Variants in RUNX2 observed in about 807,000 individuals in gnomAD.
RUNX2 encodes runt-related transcription factor 2.
In RUNX2, 10 loss-of-function variants were observed where a neutral mutation model predicts 51.7. The observed-to-expected ratio is 0.19, with a 90% CI of 0.12 to 0.33. The LOEUF is 0.33. Among genes scored for constraint, RUNX2 ranks in the 10% least tolerant of loss-of-function variants. The pLI is 1.00. For missense variants in RUNX2, 562 were observed against 691.3 expected, an observed-to-expected ratio of 0.81 and a Z score of 2.10; for synonymous variants, 276 against 273.6, an observed-to-expected ratio of 1.01 and a Z score of -0.09.
In RUNX2 at chr6:45,437,416, T is replaced by C. The variant is rs190965999; in HGVS notation, c.581-531T>C. On this transcript the variant is annotated intron_variant, in intron 4 of 8. Transcript: ENST00000647337. ...ACATTACGGCCAGGACAGGAGACACTGGCTCCTGTTAAAATGATTCCCATA... is the reference window on the plus strand; with the variant it reads ...ACATTACGGCCAGGACAGGAGACACCGGCTCCTGTTAAAATGATTCCCATA... 2.1e-3 allele frequency among the ~76,000 whole-genome samples: 324 copies of C among 152,326 alleles called. 1 individual carries two copies. The highest frequency in any genetic ancestry group is 7.8e-3 in the African/African-American group (323 of 41,572).
chr6:45,421,016 T>C (rs1798172113), intron 2 of RUNX2: 1 of 152,174 alleles, frequency 6.6e-6, no homozygotes, highest in Non-Finnish European at 1.5e-5. Context: ...TTTTGGGGGA[T>C]CCAAAGTCGC....
At position 45,549,663 on chromosome 6, in the gene RUNX2, A is replaced by C. The variant is rs1284964898; in HGVS notation, c.*2358A>C. 1 of 310,268 alleles carries C rather than the reference A, an allele frequency of 3.2e-6. No individual in the cohort carries two copies. Among genetic ancestry groups the C allele is most frequent in the Non-Finnish European group, 5.8e-6 (1 of 171,094 alleles). The allele number at this position is 310,268 out of a possible 1,614,324, so 19.2% of individuals were successfully genotyped here. On this transcript the variant is annotated 3_prime_UTR_variant, in exon 9 of 9. Coordinates refer to ENST00000647337, the MANE Select transcript of RUNX2 (RefSeq NM_001024630.4). Reference sequence around the variant, plus strand: ...TGTCTGGTTACACATTTCAATTTTAATTAATTGACATAAAAATGCTACCGC... The same window carrying C: ...TGTCTGGTTACACATTTCAATTTTACTTAATTGACATAAAAATGCTACCGC...
chr6:45,443,244 T>C (rs1798894119), intron 5 of RUNX2, among the ~76,000 whole-genome samples: 1 of 151,810 alleles, frequency 6.6e-6, no homozygotes, highest in Admixed American at 6.6e-5. Flanking sequence ...AGAGATGGGG[T>C]CTCACTATGT....
At chr6:45,333,435 G>A (rs374268157) in intron 2 of RUNX2, among the ~76,000 whole-genome samples, 2 of 151,326 alleles carry the variant, frequency 1.3e-5, no homozygotes, top group East Asian at 1.9e-4. Flanking sequence ...TTCACTTTAT[G>A]TAGAATTCTT....
At position 45,465,168 on chromosome 6, in the gene RUNX2, T is replaced by C. The variant is rs189013139; in HGVS notation, c.686-26773T>C. The stretch of plus-strand genomic sequence containing the variant: ...ATAAGGTTACCTGCTTTTTGATGTA[T>C]TTATAAGCCTTGGCCAATCCATCCA... On this transcript the variant is annotated intron_variant, in intron 5 of 8. Transcript: ENST00000647337. Among the ~76,000 whole-genome samples the C allele has an allele frequency of 2.1e-4, 32 of 152,346 alleles. No homozygotes were observed. The East Asian group carries it at 3.9e-3, about 18-fold the overall frequency.
intron 5 of RUNX2, among the ~76,000 whole-genome samples, chr6:45,481,760 T>C (rs1274983772): frequency 1.3e-5 from 2 of 152,212 alleles, no homozygotes; most frequent in East Asian, 1.9e-4. Flanking sequence ...CAGCCTGGTA[T>C]AGGAAAAAGG....
chr6:45,482,242 T>C (rs564550663), intron 5 of RUNX2, among the ~76,000 whole-genome samples: 2 of 152,362 alleles, frequency 1.3e-5, no homozygotes, highest in South Asian at 2.1e-4. Context: ...CCTATGAAGT[T>C]TCTTTTTCTT....
At chr6:45,370,964 T>G (rs1795967165) in intron 2 of RUNX2, among the ~76,000 whole-genome samples, 1 of 152,202 alleles carries the variant, frequency 6.6e-6, no homozygotes, top group South Asian at 2.1e-4. Context: ...GCACTGCAAA[T>G]GTGCCTATCA....
intron 7 of RUNX2, among the ~76,000 whole-genome samples, chr6:45,535,030 A>C (rs1457143750): frequency 1.3e-5 from 2 of 152,124 alleles, no homozygotes; most frequent in African/African-American, 4.8e-5. Flanking sequence ...TATACGTGGG[A>C]GCCTGAATGA....
rs1296640280 is a variant in RUNX2, at chr6:45,328,473, T to C, written c.-67+13T>C. The C allele has an allele frequency of 2.0e-6, 3 of 1,487,134 alleles. No homozygotes were observed. In the South Asian group the frequency reaches 3.4e-5, roughly 17 times the overall value. The allele number at this position is 1,487,134 out of a possible 1,614,324, so 92.1% of individuals were successfully genotyped here. On this transcript the variant is annotated intron_variant, in intron 1 of 8. Coordinates refer to ENST00000647337, the MANE Select transcript of RUNX2 (RefSeq NM_001024630.4). ...ACCAACAGAGTCAGTGAGTGCTCTC[T>C]AACCACAGTCTATGCAGTAATAGTA...
rs555125050 is a variant in RUNX2 at position 45,403,044 on chromosome 6, A to G, written c.59-19549A>G. Reference sequence around the variant, plus strand: ...AAAAAGTAATCCATACTCAATGGACATTTTTCTTCTTAAGGTTATAAAACA... The same window carrying G: ...AAAAAGTAATCCATACTCAATGGACGTTTTTCTTCTTAAGGTTATAAAACA... On this transcript the variant is annotated intron_variant, in intron 2 of 8. Coordinates refer to ENST00000647337, the MANE Select transcript of RUNX2 (RefSeq NM_001024630.4). 2.0e-5 allele frequency among the ~76,000 whole-genome samples: 3 copies of G among 152,248 alleles called. No homozygotes were observed. In the South Asian group the frequency reaches 6.2e-4, roughly 32 times the overall value.
rs534618947 is a variant in RUNX2 at position 45,423,217 on chromosome 6, G to T, written c.423+260G>T. ...AGCCCTAGTCCCCCTGACCCGTTCA[G>T]CACTCCTCATGCCTCCTGCCTGGCC... is the stretch of plus-strand genomic sequence containing the variant. On this transcript the variant is annotated intron_variant, in intron 3 of 8. Transcript: ENST00000647337. Among the ~76,000 whole-genome samples the T allele has an allele frequency of 1.8e-3, 281 of 152,194 alleles. 1 individual carries two copies. Among genetic ancestry groups the T allele is most frequent in the African/African-American group, 6.4e-3 (265 of 41,530 alleles).
chr6:45,404,111 T>A (rs148525760), intron 2 of RUNX2, among the ~76,000 whole-genome samples: 1 of 151,272 alleles, frequency 6.6e-6, no homozygotes, highest in South Asian at 2.1e-4. Context: ...AATACAAAAA[T>A]TAGCCGGGTG....
intron 3 of RUNX2, among the ~76,000 whole-genome samples, chr6:45,427,319 C>G (rs1283836741): frequency 6.6e-6 from 1 of 151,926 alleles, no homozygotes; most frequent in Non-Finnish European, 1.5e-5. Flanking sequence ...GTTAGATGAT[C>G]TAAACCACCA....
intron 7 of RUNX2, among the ~76,000 whole-genome samples, chr6:45,540,625 T>C (rs1197316896): frequency 6.6e-6 from 1 of 152,218 alleles, no homozygotes; most frequent in Admixed American, 6.5e-5. Flanking sequence ...AAGATGCTAG[T>C]TTCACTCTCT....
chr6:45,347,136 A>G (rs1451708967), intron 2 of RUNX2, among the ~76,000 whole-genome samples: 1 of 152,192 alleles, frequency 6.6e-6, no homozygotes, highest in African/African-American at 2.4e-5. Flanking sequence ...GCTAAGACTA[A>G]AGAATTATTT....
intron 2 of RUNX2, among the ~76,000 whole-genome samples, chr6:45,342,628 A>G (rs1790030423): frequency 6.6e-6 from 1 of 152,178 alleles, no homozygotes; most frequent in Non-Finnish European, 1.5e-5. Context: ...CAGTCATAAT[A>G]TAAGGTTTAC....
chr6:45,497,176 C>T (rs1800672617), intron 6 of RUNX2, among the ~76,000 whole-genome samples: 1 of 152,194 alleles, frequency 6.6e-6, no homozygotes, highest in Non-Finnish European at 1.5e-5. Flanking sequence ...ATGATTCTTC[C>T]TAGGTTGCAG....
intron 7 of RUNX2, among the ~76,000 whole-genome samples, chr6:45,543,142 T>C (rs1047943598): frequency 6.6e-6 from 1 of 152,220 alleles, no homozygotes; most frequent in Non-Finnish European, 1.5e-5. Flanking sequence ...TATTGTATAG[T>C]GTATTATTTT....
Sources: allele counts gnomAD v4.1 joint callset (sites outside exome capture counted in the v4.1 genomes callset), GRCh38; gene constraint gnomAD v4.1.1; transcripts MANE v1.5; gene names NCBI Gene and HGNC (gene_info 2026-07-23, HGNC 2026-07-21).